The following CNTNAP2 variants were observed in gnomAD, a reference collection of about 807,000 sequenced individuals.
CNTNAP2 encodes the protein contactin-associated protein-like 2.
Under a neutral mutation model 155.2 loss-of-function variants are expected in CNTNAP2, and 98 were observed. The observed-to-expected ratio is 0.63, with a 90% CI of 0.54 to 0.75. The LOEUF (loss-of-function observed/expected upper bound fraction) is 0.75, where lower values mean the gene tolerates loss of function less well. Among genes scored for constraint, CNTNAP2 ranks in the 30% least tolerant of loss-of-function variants. The pLI is 0.00. For missense variants in CNTNAP2, 1,727 were observed against 1,688.1 expected (o/e 1.02, Z -0.40); for synonymous variants, 651 against 631.2 (o/e 1.03, Z -0.47).
chr7:146,767,559 A>G (rs1038637916), intron 1 of CNTNAP2, among the ~76,000 whole-genome samples: 7 of 152,140 alleles, frequency 4.6e-5, no homozygotes, highest in African/African-American at 1.7e-4. Flanking sequence ...GATGTATCTT[A>G]TTTTCAATAG....
chr7:146,828,578 A>G (rs914414431), intron 2 of CNTNAP2, among the ~76,000 whole-genome samples: 17 of 152,066 alleles, frequency 1.1e-4, no homozygotes, highest in African/African-American at 3.9e-4. Flanking sequence ...TTGACATCTG[A>G]CTACCTGCAT....
intron 8 of CNTNAP2, among the ~76,000 whole-genome samples, chr7:147,182,587 C>T (rs1238119866): frequency 6.6e-6 from 1 of 151,888 alleles, no homozygotes; most frequent in Non-Finnish European, 1.5e-5. Flanking sequence ...CTAAACTCTA[C>T]TCATTGCCTT....
At chr7:147,446,208 C>T (rs1305585677) in intron 10 of CNTNAP2, among the ~76,000 whole-genome samples, 1 of 151,504 alleles carries the variant, frequency 6.6e-6, no homozygotes, top group Admixed American at 6.6e-5. Flanking sequence ...CTCTCCTCCC[C>T]CCACCCCTCA....
chr7:147,677,431 T>C (rs1653210279), intron 13 of CNTNAP2, among the ~76,000 whole-genome samples: 1 of 151,900 alleles, frequency 6.6e-6, no homozygotes, highest in African/African-American at 2.4e-5. Flanking sequence ...ATCAGATGTG[T>C]AGTTTGCAAA....
intron 21 of CNTNAP2, among the ~76,000 whole-genome samples, chr7:148,333,774 T>C (rs1366005621): frequency 6.6e-6 from 1 of 152,218 alleles, no homozygotes; most frequent in Non-Finnish European, 1.5e-5. Context: ...TCTCAACTCC[T>C]GGAGAGGCTC....
At chr7:146,593,306 G>C (rs1798811297) in intron 1 of CNTNAP2, among the ~76,000 whole-genome samples, 1 of 151,900 alleles carries the variant, frequency 6.6e-6, no homozygotes, top group South Asian at 2.1e-4. Flanking sequence ...TGAAGAAGGG[G>C]GCAGTTGGCT....
chr7:148,123,913 A>G (rs950769642), intron 16 of CNTNAP2, among the ~76,000 whole-genome samples: 15 of 152,326 alleles, frequency 9.8e-5, no homozygotes, highest in African/African-American at 3.6e-4. Flanking sequence ...ACATAAAGTG[A>G]CCATCAGATT....
At chr7:146,885,289 T>C (rs992045240) in intron 3 of CNTNAP2, among the ~76,000 whole-genome samples, 5 of 152,186 alleles carry the variant, frequency 3.3e-5, no homozygotes, top group Admixed American at 2.0e-4. Context: ...AAATCTTTTA[T>C]TTTTTGCATA....
chr7:147,900,583 T>C (rs1021317215), intron 13 of CNTNAP2, among the ~76,000 whole-genome samples: 8 of 152,092 alleles, frequency 5.3e-5, no homozygotes, highest in African/African-American at 1.9e-4. Context: ...TAGTGTGAAA[T>C]CATTCTTGGG....
chr7:147,423,802 C>T (rs1226797353), intron 10 of CNTNAP2, among the ~76,000 whole-genome samples: 1 of 152,166 alleles, frequency 6.6e-6, no homozygotes, highest in East Asian at 1.9e-4. Context: ...CTGCAGCTCT[C>T]TAAATTCACT....
chr7:147,414,681 C>T (rs1197201447), intron 10 of CNTNAP2, among the ~76,000 whole-genome samples: 1 of 151,792 alleles, frequency 6.6e-6, no homozygotes, highest in Non-Finnish European at 1.5e-5. Flanking sequence ...GTGGCTCACG[C>T]CTGTAATCCC....
At chr7:148,255,393 T>C (rs1796439201) in intron 20 of CNTNAP2, among the ~76,000 whole-genome samples, 1 of 152,216 alleles carries the variant, frequency 6.6e-6, no homozygotes, top group Non-Finnish European at 1.5e-5. Context: ...TCCGTTGACA[T>C]TTACAAAAAT....
chr7:146,705,428 G>GA (rs1800945759), intron 1 of CNTNAP2, among the ~76,000 whole-genome samples: 1 of 151,934 alleles, frequency 6.6e-6, no homozygotes, highest in South Asian at 2.1e-4. Context: ...CAGCTCTCTG[G>GA]GGTATCTTTT....
intron 1 of CNTNAP2, among the ~76,000 whole-genome samples, chr7:146,537,797 A>G (rs914656600): frequency 9.9e-5 from 15 of 152,132 alleles, no homozygotes; most frequent in Admixed American, 7.9e-4. Flanking sequence ...ATAACAGGCC[A>G]GTAAGACTTG....
intron 1 of CNTNAP2, among the ~76,000 whole-genome samples, chr7:146,222,602 G>C (rs1350701258): frequency 6.6e-6 from 1 of 151,710 alleles, no homozygotes; most frequent in East Asian, 1.9e-4. Context: ...AGGTATATGT[G>C]CATGTGTATG....
intron 14 of CNTNAP2, among the ~76,000 whole-genome samples, chr7:147,943,946 G>A (rs868766141): frequency 2.0e-5 from 3 of 151,892 alleles, no homozygotes; most frequent in Non-Finnish European, 2.9e-5. Flanking sequence ...TAAGTGGAAG[G>A]TACTCTAGCT....
At chr7:147,390,943 A>T (rs1419746115) in intron 9 of CNTNAP2, among the ~76,000 whole-genome samples, 1 of 152,136 alleles carries the variant, frequency 6.6e-6, no homozygotes, top group Non-Finnish European at 1.5e-5. Flanking sequence ...TCTAAAAGCC[A>T]TCCAAAGTCT....
chr7:146,967,346 A>T (rs1797678666), intron 3 of CNTNAP2, among the ~76,000 whole-genome samples: 1 of 152,220 alleles, frequency 6.6e-6, no homozygotes, highest in African/African-American at 2.4e-5. Context: ...TCCTGTGAAG[A>T]AAGTCATTGG....
intron 8 of CNTNAP2, among the ~76,000 whole-genome samples, chr7:147,276,504 T>G (rs978407074): frequency 1.3e-5 from 2 of 152,058 alleles, no homozygotes; most frequent in African/African-American, 4.8e-5. Context: ...GTAACCATTG[T>G]CTCAGCTATG....
Sources: gnomAD v4.1 joint callset for allele counts (sites outside exome capture counted in the v4.1 genomes callset) on GRCh38, gnomAD v4.1.1 for gene constraint, MANE v1.5 for transcripts, NCBI Gene and HGNC (gene_info 2026-07-23, HGNC 2026-07-21) for gene names.